The following GPC6 variants were observed in gnomAD, a reference collection of about 807,000 sequenced individuals.
GPC6 encodes glypican 6, also known as glypican-6.
GPC6 carries 14 observed loss-of-function variants against 55.2 expected under a neutral mutation model. The ratio of observed to expected loss-of-function variants is 0.25; its 90% CI spans 0.17 to 0.40. GPC6 has a LOEUF of 0.40. GPC6 is among the 10% of genes least tolerant of loss of function. The probability of loss-of-function intolerance (pLI) is 1.00; values close to 1 mark genes in which losing one functional copy is unlikely to be tolerated. For missense variants in GPC6, 641 were observed against 708.5 expected (o/e 0.90, Z 1.08); for synonymous variants, 278 against 259.6 (o/e 1.07, Z -0.68).
chr13:94,055,116 G>T (rs1250655230), intron 4 of GPC6, among the ~76,000 whole-genome samples: 1 of 152,176 alleles, frequency 6.6e-6, no homozygotes, highest in Non-Finnish European at 1.5e-5. Context: ...AAGGAAGCTG[G>T]TCTTCAGATT....
chr13:93,442,711 GA>G (rs1877850014), intron 1 of GPC6, among the ~76,000 whole-genome samples: 1 of 152,000 alleles, frequency 6.6e-6, no homozygotes, highest in Non-Finnish European at 1.5e-5. Flanking sequence ...TTTTTGCTGG[GA>G]AAATATGGCA....
intron 1 of GPC6, among the ~76,000 whole-genome samples, chr13:93,367,239 A>ACT (rs1881283004): frequency 6.6e-6 from 1 of 152,054 alleles, no homozygotes; most frequent in African/African-American, 2.4e-5. Context: ...TAATAGTGTC[A>ACT]ATTGTGTGGA....
At chr13:93,615,994 C>A (rs534135167) in intron 2 of GPC6, among the ~76,000 whole-genome samples, 2 of 152,122 alleles carry the variant, frequency 1.3e-5, no homozygotes, top group Admixed American at 1.3e-4. Flanking sequence ...CATTTGTATA[C>A]CTAAGTATTT....
chr13:94,220,666 T>C (rs1890355135), intron 4 of GPC6, among the ~76,000 whole-genome samples: 1 of 151,980 alleles, frequency 6.6e-6, no homozygotes, highest in African/African-American at 2.4e-5. Context: ...TCTCTAGAGG[T>C]AGTAGGGGTC....
At chr13:93,596,606 A>ATATAT (rs1555314936) in intron 2 of GPC6, among the ~76,000 whole-genome samples, 36 of 54,772 alleles carry the variant, frequency 6.6e-4, no homozygotes, top group African/African-American at 3.4e-3. Context: ...TAAATAAATA[A>ATATAT]ATAAATATAT....
intron 4 of GPC6, among the ~76,000 whole-genome samples, chr13:94,285,304 A>C (rs1892497694): frequency 6.6e-6 from 1 of 152,050 alleles, no homozygotes; most frequent in Non-Finnish European, 1.5e-5. Flanking sequence ...CCTGCTTAGG[A>C]GAGGGTTAAC....
intron 6 of GPC6, among the ~76,000 whole-genome samples, chr13:94,369,127 A>ATATT (rs777740565): frequency 2.0e-5 from 3 of 152,088 alleles, no homozygotes; most frequent in Non-Finnish European, 4.4e-5. Flanking sequence ...AATATTCATC[A>ATATT]TATTTTTCTA....
chr13:93,272,520 A>ATATATATATATATATATAT (rs1877571327), intron 1 of GPC6, among the ~76,000 whole-genome samples: 2 of 147,732 alleles, frequency 1.4e-5, no homozygotes, highest in African/African-American at 2.5e-5. Context: ...ATATATATAT[A>ATATATATATATATATATAT]ACTTAGAAAA....
chr13:94,213,090 A>C (rs1405564975), intron 4 of GPC6, among the ~76,000 whole-genome samples: 2 of 152,232 alleles, frequency 1.3e-5, no homozygotes, highest in Non-Finnish European at 2.9e-5. Context: ...CGGGAGGCAG[A>C]GGTTGCAGTG....
rs78906243 is a variant in GPC6 at position 93,904,296 on chromosome 13, C to T, written c.711+73751C>T. Among the ~76,000 whole-genome samples the T allele has an allele frequency of 5.0e-3, 761 of 152,142 alleles. 7 individuals carry two copies. The highest frequency in any genetic ancestry group is 0.017 in the African/African-American group (697 of 41,520). ...GTAGACAAAAACAAGCCTTACAAAT[C>T]GCAACTGCAGCTGCAAAGGAAAAGA... On this transcript the variant is annotated intron_variant, in intron 3 of 8. Transcript: ENST00000377047.
chr13:93,842,779 A>G (rs920650056), intron 3 of GPC6, among the ~76,000 whole-genome samples: 35 of 152,250 alleles, frequency 2.3e-4, no homozygotes, highest in African/African-American at 7.9e-4. Flanking sequence ...ATAAGTCACC[A>G]GGATATTTAT....
intron 1 of GPC6, among the ~76,000 whole-genome samples, chr13:93,498,202 C>T (rs1335297799): frequency 1.3e-5 from 2 of 152,200 alleles, no homozygotes; most frequent in Non-Finnish European, 2.9e-5. Flanking sequence ...ACAACCTGTG[C>T]AGCTAATGAT....
intron 1 of GPC6, among the ~76,000 whole-genome samples, chr13:93,267,478 G>T (rs1185784979): frequency 2.0e-5 from 3 of 151,618 alleles, no homozygotes; most frequent in Admixed American, 6.6e-5. Flanking sequence ...GAAGATTCAC[G>T]TGAAATTACA....
chr13:94,076,336 T>C (rs1489129601), intron 4 of GPC6, among the ~76,000 whole-genome samples: 3 of 151,980 alleles, frequency 2.0e-5, no homozygotes, highest in South Asian at 2.1e-4. Context: ...TATTGAGATG[T>C]GGTTGTTCCT....
intron 3 of GPC6, among the ~76,000 whole-genome samples, chr13:93,927,481 C>A (rs1202641942): frequency 6.6e-6 from 1 of 152,030 alleles, no homozygotes. Flanking sequence ...ACTGAAACAA[C>A]AGGACACGTT....
chr13:93,468,581 T>C (rs1878997903), intron 1 of GPC6, among the ~76,000 whole-genome samples: 1 of 151,976 alleles, frequency 6.6e-6, no homozygotes, highest in African/African-American at 2.4e-5. Context: ...AATATGTACA[T>C]AGAAAGTGAG....
intron 2 of GPC6, among the ~76,000 whole-genome samples, chr13:93,684,440 G>T (rs185332468): frequency 6.6e-6 from 1 of 151,952 alleles, no homozygotes; most frequent in South Asian, 2.1e-4. Flanking sequence ...CACCTGCCTC[G>T]GCCTCTCAAA....
At chr13:94,286,984 T>G (rs938373068) in intron 5 of GPC6, among the ~76,000 whole-genome samples, 9 of 152,202 alleles carry the variant, frequency 5.9e-5, no homozygotes, top group Non-Finnish European at 1.3e-4. Context: ...CTCCTTTGTA[T>G]GAAGTCAAGC....
At position 93,600,002 on chromosome 13, in the gene GPC6, T is replaced by C. The variant is rs966549114; in HGVS notation, c.319+54581T>C. On this transcript the variant is annotated intron_variant, in intron 2 of 8. Coordinates refer to ENST00000377047, the MANE Select transcript of GPC6 (RefSeq NM_005708.5). ...TTTTAGGAAGAAACCACCTTAACAC[T>C]ACCTTTAGAAGATTGAACTTCCAGG... Among the ~76,000 whole-genome samples the C allele has an allele frequency of 3.3e-5, 5 of 152,200 alleles. 1 individual carries two copies. The highest frequency in any genetic ancestry group is 9.6e-5 in the African/African-American group (4 of 41,464).
Sources: gnomAD v4.1 joint callset for allele counts (sites outside exome capture counted in the v4.1 genomes callset) on GRCh38, gnomAD v4.1.1 for gene constraint, MANE v1.5 for transcripts, NCBI Gene and HGNC (gene_info 2026-07-23, HGNC 2026-07-21) for gene names.